TBC1D19: variants seen among roughly 807,000 people sequenced by gnomAD.
TBC1D19 encodes the protein TBC1 domain family, member 19.
TBC1D19 carries 60 observed loss-of-function variants against 89.0 expected under a neutral mutation model. The observed-to-expected ratio is 0.67, with a 90% CI of 0.55 to 0.84. The LOEUF (loss-of-function observed/expected upper bound fraction) is 0.84, where lower values mean the gene tolerates loss of function less well. Among genes scored for constraint, TBC1D19 ranks in the 40% least tolerant of loss-of-function variants. TBC1D19 has a pLI of 0.00. For synonymous variants in TBC1D19, 189 were observed against 199.7 expected (o/e 0.95, Z 0.45); for missense variants, 500 against 610.8 (o/e 0.82, Z 1.91).
chr4:26,597,541 T>G (rs1374287827), intron 1 of TBC1D19, among the ~76,000 whole-genome samples: 3 of 149,810 alleles, frequency 2.0e-5, no homozygotes, highest in Non-Finnish European at 4.5e-5. Context: ...TTTTTTTTTT[T>G]TTAAGTAGAG....
chr4:26,745,681 T>G (rs1479106184), intron 18 of TBC1D19, among the ~76,000 whole-genome samples: 3 of 151,642 alleles, frequency 2.0e-5, no homozygotes, highest in African/African-American at 7.3e-5. Context: ...TAATTTTTTT[T>G]TTGTATTTTT....
At chr4:26,775,155 G>T in the TBC1D19 span, among the ~76,000 whole-genome samples, 1 of 152,310 alleles carries the variant, frequency 6.6e-6, no homozygotes, top group East Asian at 1.9e-4. Context: ...AACTCATGTT[G>T]AAATTTAATT....
chr4:26,610,917 G>A (rs1188294812), intron 1 of TBC1D19, among the ~76,000 whole-genome samples: 4 of 152,122 alleles, frequency 2.6e-5, no homozygotes, highest in Admixed American at 6.6e-5. Context: ...ATAGGCATGC[G>A]TATGTCTTTA....
the TBC1D19 span, among the ~76,000 whole-genome samples, chr4:26,833,914 A>G: frequency 2.6e-5 from 4 of 152,150 alleles, no homozygotes; most frequent in African/African-American, 7.2e-5. Context: ...AGGTGGTGAT[A>G]TGGTTTGGAT....
At chr4:26,782,397 A>G in the TBC1D19 span, among the ~76,000 whole-genome samples, 1 of 152,170 alleles carries the variant, frequency 6.6e-6, no homozygotes, top group Non-Finnish European at 1.5e-5. Flanking sequence ...CAGACTGAAC[A>G]CTGCATGGTT....
At chr4:26,697,891 C>G (rs182053851) in intron 13 of TBC1D19, among the ~76,000 whole-genome samples, 2 of 152,246 alleles carry the variant, frequency 1.3e-5, no homozygotes, top group East Asian at 3.9e-4. Context: ...TATGACAAAC[C>G]CACAGCCAAT....
chr4:26,696,073 A>G (rs1714749544), intron 13 of TBC1D19, among the ~76,000 whole-genome samples: 1 of 152,214 alleles, frequency 6.6e-6, no homozygotes, highest in South Asian at 2.1e-4. Flanking sequence ...CACATTGGGT[A>G]AAGAGTCAAG....
chr4:26,815,992 A>G, the TBC1D19 span, among the ~76,000 whole-genome samples: 1 of 152,186 alleles, frequency 6.6e-6, no homozygotes, highest in African/African-American at 2.4e-5. Flanking sequence ...AGCACCATTC[A>G]GAGGAGTTCT....
intron 3 of TBC1D19, among the ~76,000 whole-genome samples, chr4:26,619,174 C>T (rs1741875427): frequency 6.6e-6 from 1 of 151,434 alleles, no homozygotes; most frequent in Admixed American, 6.6e-5. Flanking sequence ...TTAAGATCAT[C>T]AGTAAAGTCT....
chr4:26,747,690 A>G (rs1718725480), intron 18 of TBC1D19, among the ~76,000 whole-genome samples: 1 of 152,360 alleles, frequency 6.6e-6, no homozygotes, highest in South Asian at 2.1e-4. Flanking sequence ...TGATCCCTTA[A>G]GGCACCAGAG....
intron 7 of TBC1D19, among the ~76,000 whole-genome samples, chr4:26,641,418 G>A (rs186840391): frequency 1.6e-4 from 25 of 152,312 alleles, no homozygotes; most frequent in Admixed American, 1.2e-3. Context: ...AACCCCATCT[G>A]TAGGTCACCA....
Position 26,699,846 on chromosome 4 carries a change from C to T in TBC1D19, c.954+11439C>T, listed in dbSNP as rs188660444. Among the ~76,000 whole-genome samples the T allele has an allele frequency of 5.5e-5, 8 of 145,436 alleles. No homozygotes were observed. In the South Asian group the frequency reaches 6.6e-4, roughly 12 times the overall value. ...CTTGGACACAGGAAGGGGAACTTCA[C>T]GCACTGGGGCCTGTTTTGGGGTGGG... On this transcript the variant is annotated intron_variant, in intron 13 of 20. Coordinates refer to ENST00000264866, the MANE Select transcript of TBC1D19 (RefSeq NM_018317.4).
At chr4:26,697,092 A>G (rs529048021) in intron 13 of TBC1D19, among the ~76,000 whole-genome samples, 1 of 152,334 alleles carries the variant, frequency 6.6e-6, no homozygotes, top group African/African-American at 2.4e-5. Flanking sequence ...AAAGATCAAC[A>G]AAATTCATAG....
the TBC1D19 span, among the ~76,000 whole-genome samples, chr4:26,821,691 A>G: frequency 6.6e-6 from 1 of 152,190 alleles, no homozygotes; most frequent in Non-Finnish European, 1.5e-5. Context: ...CCAGTGGTTC[A>G]ATGGTGGGGC....
chr4:26,734,481 A>G (rs1717847690), intron 15 of TBC1D19, among the ~76,000 whole-genome samples: 2 of 152,250 alleles, frequency 1.3e-5, no homozygotes, highest in African/African-American at 4.8e-5. Flanking sequence ...TACAAATTCA[A>G]ATTTTTTACT....
At chr4:26,852,713 G>A in the TBC1D19 span, among the ~76,000 whole-genome samples, 178 of 148,628 alleles carry the variant, frequency 1.2e-3, no homozygotes, top group Middle Eastern at 3.4e-3. Context: ...TCTGCCTCCC[G>A]GGTTCACACC....
the TBC1D19 span, among the ~76,000 whole-genome samples, chr4:26,811,577 G>A: frequency 1.7e-3 from 258 of 152,346 alleles, 1 homozygote; most frequent in Middle Eastern, 3.4e-3. Context: ...ATGCAAGAAA[G>A]CATTCAAGGT....
intron 13 of TBC1D19, among the ~76,000 whole-genome samples, chr4:26,709,066 G>A (rs185086060): frequency 1.5e-4 from 23 of 151,932 alleles, no homozygotes; most frequent in African/African-American, 4.1e-4. Flanking sequence ...TTGAAAAAGG[G>A]ACATATAAAT....
At chr4:26,821,864 C>A in the TBC1D19 span, among the ~76,000 whole-genome samples, 2 of 152,320 alleles carry the variant, frequency 1.3e-5, no homozygotes, top group African/African-American at 4.8e-5. Context: ...TCTCCACGGC[C>A]CTTCTCTCTC....
Sources: allele counts gnomAD v4.1 joint callset (sites outside exome capture counted in the v4.1 genomes callset), GRCh38; gene constraint gnomAD v4.1.1; transcripts MANE v1.5; gene names NCBI Gene and HGNC (gene_info 2026-07-23, HGNC 2026-07-21).